UGT1A8: variants seen among roughly 807,000 people sequenced by gnomAD.
UGT1A8 encodes UDP glucuronosyltransferase family 1 member A8.
Under a neutral mutation model 45.3 loss-of-function variants are expected in UGT1A8, and 39 were observed. The ratio of observed to expected loss-of-function variants is 0.86; its 90% confidence interval spans 0.67 to 1.12. The LOEUF is 1.12. Ranked by LOEUF, UGT1A8 falls within the 50% of genes most tolerant of loss-of-function variation. UGT1A8 has a pLI of 0.00. For missense variants in UGT1A8, 719 were observed against 664.9 expected (o/e 1.08, Z -0.90); for synonymous variants, 275 against 249.2 (o/e 1.10, Z -0.97).
Position 233,757,333 on chromosome 2 carries a change from C to A in UGT1A8, c.856-9701C>A, listed in dbSNP as rs574658157. Among the ~76,000 whole-genome samples the A allele has an allele frequency of 8.6e-4, 129 of 150,728 alleles. 1 individual carries two copies. Among genetic ancestry groups the A allele is most frequent in the African/African-American group, 3.1e-3 (127 of 40,864 alleles). ...GGGGGCTGGGGCCCTGAAATGGGAC[C>A]ATGACAGCTGGGTCTGAGAGACAGT... On this transcript the variant is annotated intron_variant, in intron 1 of 4. Coordinates refer to ENST00000373450, the MANE Select transcript of UGT1A8 (RefSeq NM_019076.5).
chr2:233,671,934 G>C, intron 1 of UGT1A8: 1 of 1,604,458 alleles, frequency 6.2e-7, no homozygotes, highest in Non-Finnish European at 8.5e-7. Context: ...GCAGTTCTCT[G>C]ATGGCTTGCA....
intron 1 of UGT1A8, chr2:233,636,428 C>T: frequency 6.6e-7 from 1 of 1,507,734 alleles, no homozygotes; most frequent in Non-Finnish European, 8.9e-7. Context: ...AATACACGCC[C>T]TCTATTGGGG....
At chr2:233,743,832 T>C in intron 1 of UGT1A8, 4 of 1,367,252 alleles carry the variant, frequency 2.9e-6, no homozygotes, top group South Asian at 2.3e-5. Context: ...GGGTGCCACT[T>C]GAGCGCCAGC....
intron 1 of UGT1A8, among the ~76,000 whole-genome samples, chr2:233,728,655 C>T (rs928027852): frequency 5.3e-5 from 8 of 152,140 alleles, no homozygotes; most frequent in East Asian, 1.9e-4. Flanking sequence ...TTTTTGGATG[C>T]GCTGCGTTAC....
chr2:233,636,865 G>A, intron 1 of UGT1A8: 1 of 1,614,086 alleles, frequency 6.2e-7, no homozygotes, highest in Non-Finnish European at 8.5e-7. Context: ...TTCATCCAGT[G>A]GTTTTCTTGA....
chr2:233,652,613 A>G (rs2073766993), intron 1 of UGT1A8, among the ~76,000 whole-genome samples: 1 of 152,180 alleles, frequency 6.6e-6, no homozygotes, highest in South Asian at 2.1e-4. Context: ...TGTCTCAAAA[A>G]TGTCTTGTAC....
intron 1 of UGT1A8, among the ~76,000 whole-genome samples, chr2:233,668,068 T>A (rs1055754324): frequency 1.3e-5 from 2 of 151,882 alleles, no homozygotes; most frequent in Non-Finnish European, 2.9e-5. Context: ...CATTTTTTTT[T>A]ATTATACTTT....
At chr2:233,698,872 C>T (rs1453450954) in intron 1 of UGT1A8, among the ~76,000 whole-genome samples, 1 of 152,262 alleles carries the variant, frequency 6.6e-6, no homozygotes, top group Non-Finnish European at 1.5e-5. Flanking sequence ...GACTTTGCGA[C>T]TTTGACCAAA....
intron 1 of UGT1A8, among the ~76,000 whole-genome samples, chr2:233,750,295 C>T (rs1409213003): frequency 3.3e-5 from 5 of 151,894 alleles, no homozygotes; most frequent in African/African-American, 1.2e-4. Context: ...GCATTTTGCC[C>T]CTGCCCTAGA....
chr2:233,661,056 T>A, intron 1 of UGT1A8, among the ~76,000 whole-genome samples: 1 of 152,166 alleles, frequency 6.6e-6, no homozygotes, highest in Middle Eastern at 3.2e-3. Context: ...ATAACCATCC[T>A]ACACCCACAT....
rs1559318939 is a variant in UGT1A8, at chr2:233,637,383, TCAC to T, written c.855+18823_855+18825del. Reference sequence around the variant, plus strand: ...AGGGAAAGCCATTGCCTATGGTAAGTCACCTCTCCTTTAGCACATTAAGAATAA... The same window carrying T: ...AGGGAAAGCCATTGCCTATGGTAAGTCTCTCCTTTAGCACATTAAGAATAA... On this transcript the variant is annotated intron_variant, in intron 1 of 4. Coordinates refer to ENST00000373450, the MANE Select transcript of UGT1A8 (RefSeq NM_019076.5). The T allele has an allele frequency of 3.1e-6, 5 of 1,610,652 alleles. No individual in the cohort carries two copies. In the African/African-American group the frequency reaches 6.7e-5, roughly 22 times the overall value.
At chr2:233,682,370 G>T in intron 1 of UGT1A8, 1 of 1,614,042 alleles carries the variant, frequency 6.2e-7, no homozygotes, top group South Asian at 1.1e-5. Context: ...TTTTGATGCA[G>T]TGTTTCTCGA....
chr2:233,746,319 G>C (rs1444609554), intron 1 of UGT1A8, among the ~76,000 whole-genome samples: 1 of 151,794 alleles, frequency 6.6e-6, no homozygotes, highest in Admixed American at 6.5e-5. Flanking sequence ...CCCTGTAGAT[G>C]ATCTACAGGG....
At chr2:233,707,538 CTT>C (rs753963758) in intron 1 of UGT1A8, among the ~76,000 whole-genome samples, 33 of 126,850 alleles carry the variant, frequency 2.6e-4, no homozygotes, top group Middle Eastern at 4.2e-3. Context: ...TTTGTCTTGC[CTT>C]TTTTTTTTTT....
intron 1 of UGT1A8, among the ~76,000 whole-genome samples, chr2:233,643,307 AGAGGAGCCTCACCTTGTAGCCACTGCCAC>A (rs1373365602): frequency 6.6e-6 from 1 of 152,176 alleles, no homozygotes; most frequent in Non-Finnish European, 1.5e-5. Context: ...TTGCAAAGAC[AGAGGAGCCTCACCTTGTAGCCACTGCCAC>A]CCCTGGCCAT....
At chr2:233,654,597 A>G (rs996834632) in intron 1 of UGT1A8, among the ~76,000 whole-genome samples, 1 of 152,206 alleles carries the variant, frequency 6.6e-6, no homozygotes, top group Non-Finnish European at 1.5e-5. Flanking sequence ...AGTGAAATGA[A>G]ATAAACCACA....
intron 1 of UGT1A8, among the ~76,000 whole-genome samples, chr2:233,653,923 G>C (rs1248819793): frequency 6.6e-6 from 1 of 152,204 alleles, no homozygotes; most frequent in Non-Finnish European, 1.5e-5. Flanking sequence ...CACAGATGCA[G>C]ATGTACAAAA....
At chr2:233,665,696 T>C (rs897751150) in intron 1 of UGT1A8, among the ~76,000 whole-genome samples, 4 of 152,220 alleles carry the variant, frequency 2.6e-5, no homozygotes, top group Non-Finnish European at 4.4e-5. Context: ...GTGCACTGCA[T>C]CCCTACCAGA....
At chr2:233,706,317 T>G (rs947788693) in intron 1 of UGT1A8, among the ~76,000 whole-genome samples, 6 of 152,228 alleles carry the variant, frequency 3.9e-5, no homozygotes, top group African/African-American at 7.2e-5. Context: ...TAGTGCCTTT[T>G]GGAACTATTC....
Sources: allele counts gnomAD v4.1 joint callset (sites outside exome capture counted in the v4.1 genomes callset), GRCh38; gene constraint gnomAD v4.1.1; transcripts MANE v1.5; gene names NCBI Gene and HGNC (gene_info 2026-07-23, HGNC 2026-07-21).